Variants in LAPTM5 observed in about 807,000 individuals in gnomAD.
The protein encoded by LAPTM5 is lysosomal-associated transmembrane protein 5.
A neutral mutation model predicts 30.1 loss-of-function variants in LAPTM5; 11 were observed. The observed-to-expected ratio is 0.37, with a 90% CI of 0.23 to 0.60. LAPTM5 has a LOEUF of 0.60. Among genes scored for constraint, LAPTM5 ranks in the 20% least tolerant of loss-of-function variants. The pLI is 0.71. For missense variants in LAPTM5, 324 were observed against 332.5 expected (o/e 0.97, Z 0.20); for synonymous variants, 151 against 137.9 (o/e 1.10, Z -0.67).
At chr1:30,749,248 AC>A (rs1181723039) in intron 1 of LAPTM5, among the ~76,000 whole-genome samples, 1 of 152,234 alleles carries the variant, frequency 6.6e-6, no homozygotes, top group Non-Finnish European at 1.5e-5. Flanking sequence ...TCACAAAAGA[AC>A]ACGCGCTGCA....
At chr1:30,752,964 GC>G (rs1424701552) in intron 1 of LAPTM5, among the ~76,000 whole-genome samples, 1 of 152,120 alleles carries the variant, frequency 6.6e-6, no homozygotes, top group Non-Finnish European at 1.5e-5. Flanking sequence ...CCGCCATCAT[GC>G]CCAGCTAATT....
At chr1:30,750,605 T>C (rs1640121050) in intron 1 of LAPTM5, among the ~76,000 whole-genome samples, 1 of 152,204 alleles carries the variant, frequency 6.6e-6, no homozygotes, top group South Asian at 2.1e-4. Flanking sequence ...GGCTCTGTGC[T>C]TCTCAGAACA....
At chr1:30,757,168 C>T (rs1640223121) in intron 1 of LAPTM5, among the ~76,000 whole-genome samples, 1 of 152,228 alleles carries the variant, frequency 6.6e-6, no homozygotes, top group African/African-American at 2.4e-5. Flanking sequence ...GAGATCCCCA[C>T]TTCTCATCCC....
Position 30,733,522 on chromosome 1 carries a change from A to T in LAPTM5, c.*306T>A, listed in dbSNP as rs934179052. ...AACTGATCAAGTCGATAGTTGCTTG[A>T]CAAACTCACCAACTTTAGAATGGCC... On this transcript the variant is annotated 3_prime_UTR_variant, in exon 8 of 8. Coordinates refer to ENST00000294507, the MANE Select transcript of LAPTM5 (RefSeq NM_006762.3). 2 of 1,441,844 alleles carry T rather than the reference A, an allele frequency of 1.4e-6. No individual in the cohort carries two copies. Among genetic ancestry groups the T allele is most frequent in the Non-Finnish European group, 1.8e-6 (2 of 1,087,488 alleles). The allele number at this position is 1,441,844 out of a possible 1,614,324, so 89.3% of individuals were successfully genotyped here. A position where few individuals can be genotyped will look rare whatever the true frequency, so the allele number is the denominator to read the frequency against.
intron 1 of LAPTM5, among the ~76,000 whole-genome samples, chr1:30,747,694 C>T (rs1204734328): frequency 6.6e-6 from 1 of 152,016 alleles, no homozygotes; most frequent in African/African-American, 2.4e-5. Context: ...GGGGCAGGGG[C>T]TGGAGGATGG....
At chr1:30,756,652 G>A (rs1434703979) in intron 1 of LAPTM5, among the ~76,000 whole-genome samples, 1 of 152,198 alleles carries the variant, frequency 6.6e-6, no homozygotes, top group Non-Finnish European at 1.5e-5. Flanking sequence ...CTGGGCTCTT[G>A]CCACAGCTCT....
chr1:30,734,493 C>G (rs1016651746), intron 7 of LAPTM5, among the ~76,000 whole-genome samples: 1 of 152,168 alleles, frequency 6.6e-6, no homozygotes, highest in African/African-American at 2.4e-5. Context: ...AGATCATATC[C>G]TGATGTCAGG....
Position 30,742,721 on chromosome 1 carries a change from G to T in LAPTM5, c.88-172C>A, listed in dbSNP as rs146991472. On this transcript the variant is annotated intron_variant, in intron 1 of 7. Transcript: ENST00000294507. The stretch of plus-strand genomic sequence containing the variant: ...AAAGAGTGGCCTTTACACACAGAGA[G>T]CCCATGTTCAGAATCCTGGGTCTTC... 2.1e-3 allele frequency among the ~76,000 whole-genome samples: 322 copies of T among 152,280 alleles called. 1 individual carries two copies. The highest frequency in any genetic ancestry group is 7.4e-3 in the African/African-American group (308 of 41,548).
At chr1:30,743,579 C>T (rs1640001148) in intron 1 of LAPTM5, among the ~76,000 whole-genome samples, 1 of 152,164 alleles carries the variant, frequency 6.6e-6, no homozygotes, top group African/African-American at 2.4e-5. Context: ...GCAAGCCCTC[C>T]ACCCTTCCCC....
rs554106216 is a variant in LAPTM5 at position 30,751,286 on chromosome 1, C to A, written c.87+6373G>T. ...GCCCCCACCGGCCTCCTCACCCCTCCGTGAAGCGCACAGAGCTGCAGTGGC... is the reference window on the plus strand; with the variant it reads ...GCCCCCACCGGCCTCCTCACCCCTCAGTGAAGCGCACAGAGCTGCAGTGGC... On this transcript the variant is annotated intron_variant, in intron 1 of 7. Transcript: ENST00000294507. Among the ~76,000 whole-genome samples, 42 of 152,392 alleles carry A rather than the reference C, an allele frequency of 2.8e-4. 1 individual carries two copies. Among genetic ancestry groups the A allele is most frequent in the African/African-American group, 9.1e-4 (38 of 41,600 alleles).
intron 1 of LAPTM5, among the ~76,000 whole-genome samples, chr1:30,751,862 C>T (rs1361457345): frequency 6.6e-6 from 1 of 152,234 alleles, no homozygotes; most frequent in Non-Finnish European, 1.5e-5. Context: ...GCAGGGACCA[C>T]TGGCCCCATT....
rs1038105367 is a variant in LAPTM5 at position 30,740,719 on chromosome 1, A to G, written c.259-782T>C. ...TCCATTTCTCCATTTCTCTAGCTGA[A>G]CCCTTTGAGTTTCTGCACAAGCACC... On this transcript the variant is annotated intron_variant, in intron 3 of 7. Transcript: ENST00000294507. Among the ~76,000 whole-genome samples the G allele has an allele frequency of 1.6e-4, 25 of 152,188 alleles. No individual in the cohort carries two copies. In the South Asian group the frequency reaches 1.9e-3, roughly 11 times the overall value.
At chr1:30,734,109 A>G (rs1478394490) in intron 7 of LAPTM5, among the ~76,000 whole-genome samples, 192 bp from the exon 8 acceptor site, 2 of 152,196 alleles carry the variant, frequency 1.3e-5, no homozygotes, top group African/African-American at 4.8e-5. Context: ...TAGTGGACAT[A>G]TTTGCCTTTG....
chr1:30,743,299 TTGAATGAA>T (rs150944541), intron 1 of LAPTM5, among the ~76,000 whole-genome samples: 18 of 152,186 alleles, frequency 1.2e-4, no homozygotes, highest in Middle Eastern at 6.8e-3. Flanking sequence ...GTTGTATTTG[TTGAATGAA>T]TGAATGAATG....
At chr1:30,751,759 C>T (rs1162423414) in intron 1 of LAPTM5, among the ~76,000 whole-genome samples, 1 of 152,118 alleles carries the variant, frequency 6.6e-6, no homozygotes, top group Admixed American at 6.5e-5. Context: ...GGCGGGGGGC[C>T]TTGTGTTCTT....
chr1:30,752,289 C>A (rs781259206), intron 1 of LAPTM5, among the ~76,000 whole-genome samples: 9 of 152,204 alleles, frequency 5.9e-5, no homozygotes, highest in Non-Finnish European at 1.0e-4. Context: ...ACCTGTTTTC[C>A]CATCTGCAAA....
chr1:30,738,277 T>G (rs1468674831), intron 5 of LAPTM5, among the ~76,000 whole-genome samples: 1 of 152,186 alleles, frequency 6.6e-6, no homozygotes, highest in Admixed American at 6.5e-5. Flanking sequence ...ATAGAAGTCT[T>G]AAAAGACACT....
rs1639931162 is a variant in LAPTM5, at chr1:30,739,089, G to A, written c.388-27C>T. ...TGGGGAGGACAAATACAAGGAGGAGGAATGAGGAGCAGCAATTAAAGTCCC... is the reference window on the plus strand; with the variant it reads ...TGGGGAGGACAAATACAAGGAGGAGAAATGAGGAGCAGCAATTAAAGTCCC... On this transcript the variant is annotated intron_variant, in intron 4 of 7. Coordinates refer to ENST00000294507, the MANE Select transcript of LAPTM5 (RefSeq NM_006762.3). The surrounding 1 kb of genome is among the most constrained non-coding windows in gnomAD (Gnocchi z 4.2). 6.4e-7 allele frequency: 1 copy of A among 1,566,660 alleles called. No individual in the cohort carries two copies. The highest frequency in any genetic ancestry group is 8.7e-7 in the Non-Finnish European group (1 of 1,154,478).
At chr1:30,740,371 T>G in intron 3 of LAPTM5, among the ~76,000 whole-genome samples, 1 of 150,952 alleles carries the variant, frequency 6.6e-6, no homozygotes. Context: ...CCAACATGAG[T>G]GAAGGCCCGG....
Sources: gnomAD v4.1 joint callset for allele counts (sites outside exome capture counted in the v4.1 genomes callset) on GRCh38, gnomAD v4.1.1 for gene constraint, Gnocchi (gnomAD v3.1) non-coding constraint, MANE v1.5 for transcripts, NCBI Gene and HGNC (gene_info 2026-07-23, HGNC 2026-07-21) for gene names.